PTPRD: variants seen among roughly 807,000 people sequenced by gnomAD.
PTPRD encodes protein tyrosine phosphatase receptor type D.
Under a neutral mutation model 214.5 loss-of-function variants are expected in PTPRD, and 34 were observed. The ratio of observed to expected loss-of-function variants is 0.16; its 90% CI spans 0.12 to 0.21. The LOEUF (loss-of-function observed/expected upper bound fraction) is 0.21. PTPRD is among the 10% of genes least tolerant of loss of function. PTPRD has a pLI of 1.00. For missense variants in PTPRD, 2,545 were observed against 2,398.7 expected (o/e 1.06, Z -1.27); for synonymous variants, 1,128 against 845.7 (o/e 1.33, Z -5.79).
chr9:10,093,918 G>C (rs886164582), intron 3 of PTPRD, among the ~76,000 whole-genome samples: 1 of 151,314 alleles, frequency 6.6e-6, no homozygotes, highest in African/African-American at 2.4e-5. Context: ...AGGAACAGTA[G>C]ACACGGGGGA....
At chr9:10,580,661 A>G (rs1339381887) in intron 2 of PTPRD, among the ~76,000 whole-genome samples, 1 of 152,170 alleles carries the variant, frequency 6.6e-6, no homozygotes, top group Admixed American at 6.5e-5. Context: ...ATATTCTGAA[A>G]TGTTATGAAT....
intron 6 of PTPRD, among the ~76,000 whole-genome samples, chr9:9,746,268 G>C (rs972324594): frequency 6.6e-6 from 1 of 152,070 alleles, no homozygotes; most frequent in East Asian, 1.9e-4. Context: ...CTTTTTAGAA[G>C]GGTTTCAGAA....
chr9:10,242,969 G>C (rs1321062232), intron 3 of PTPRD, among the ~76,000 whole-genome samples: 2 of 151,648 alleles, frequency 1.3e-5, no homozygotes, highest in Non-Finnish European at 3.0e-5. Context: ...CAAAGACAAA[G>C]ATATGGTTAT....
At chr9:9,469,294 T>C (rs2094432601) in intron 8 of PTPRD, among the ~76,000 whole-genome samples, 1 of 152,184 alleles carries the variant, frequency 6.6e-6, no homozygotes, top group Non-Finnish European at 1.5e-5. Flanking sequence ...GTGACTTGCA[T>C]TATCTTTGGA....
At chr9:8,332,605 G>A (rs531609242) in intron 43 of PTPRD, among the ~76,000 whole-genome samples, 7 of 152,080 alleles carry the variant, frequency 4.6e-5, no homozygotes, top group South Asian at 2.1e-4. Flanking sequence ...AAACTGCTCT[G>A]ACTCACGAAG....
chr9:9,939,201 A>G (rs2090633872), intron 4 of PTPRD, among the ~76,000 whole-genome samples: 1 of 152,140 alleles, frequency 6.6e-6, no homozygotes, highest in Non-Finnish European at 1.5e-5. Flanking sequence ...ACCTCATGAT[A>G]AAAATTATAG....
chr9:9,154,190 C>A (rs1227150667), intron 10 of PTPRD, among the ~76,000 whole-genome samples: 1 of 152,100 alleles, frequency 6.6e-6, no homozygotes, highest in Admixed American at 6.6e-5. Context: ...AACATTAATG[C>A]CACAATGAAT....
chr9:10,024,395 G>A (rs1047056051), intron 4 of PTPRD, among the ~76,000 whole-genome samples: 1 of 151,992 alleles, frequency 6.6e-6, no homozygotes, highest in Non-Finnish European at 1.5e-5. Context: ...TTGAGAAAAT[G>A]GAACCCCTTA....
At chr9:10,279,935 G>C (rs902723161) in intron 3 of PTPRD, among the ~76,000 whole-genome samples, 1 of 152,054 alleles carries the variant, frequency 6.6e-6, no homozygotes, top group Non-Finnish European at 1.5e-5. Flanking sequence ...CCTATTCACA[G>C]TCCTCGTACT....
intron 11 of PTPRD, among the ~76,000 whole-genome samples, chr9:8,766,451 C>T (rs1193711821): frequency 6.6e-6 from 1 of 151,924 alleles, no homozygotes; most frequent in Non-Finnish European, 1.5e-5. Flanking sequence ...GATCCAGCCT[C>T]CTGCAATTCT....
chr9:9,839,504 A>T (rs931387226), intron 5 of PTPRD, among the ~76,000 whole-genome samples: 1 of 152,124 alleles, frequency 6.6e-6, no homozygotes, highest in African/African-American at 2.4e-5. Context: ...AGGGACATGA[A>T]GGACCTCTTC....
intron 3 of PTPRD, among the ~76,000 whole-genome samples, chr9:10,105,954 G>A (rs1158484183): frequency 1.4e-5 from 2 of 140,490 alleles, no homozygotes; most frequent in South Asian, 2.2e-4. Context: ...TGATCACCAA[G>A]GGGATGAATG....
chr9:9,865,806 C>T (rs2063809454), intron 5 of PTPRD, among the ~76,000 whole-genome samples: 1 of 152,166 alleles, frequency 6.6e-6, no homozygotes, highest in South Asian at 2.1e-4. Flanking sequence ...AAGTAACATT[C>T]CATTTTAGCC....
At chr9:9,593,218 TCCC>T (rs1002392084) in intron 7 of PTPRD, among the ~76,000 whole-genome samples, 1 of 148,782 alleles carries the variant, frequency 6.7e-6, no homozygotes, top group Non-Finnish European at 1.5e-5. Context: ...TTTTTGTTTT[TCCC>T]CCCCCTCAAA....
chr9:10,060,893 C>CT (rs1430459161), intron 3 of PTPRD, among the ~76,000 whole-genome samples: 3 of 79,260 alleles, frequency 3.8e-5, no homozygotes, highest in South Asian at 3.8e-4. Flanking sequence ...TCCTTCCTTC[C>CT]TTCCTTCTTT....
intron 14 of PTPRD, among the ~76,000 whole-genome samples, chr9:8,582,361 A>T (rs1211582442): frequency 6.6e-6 from 1 of 152,230 alleles, no homozygotes; most frequent in African/African-American, 2.4e-5. Flanking sequence ...TTTGAACATG[A>T]CACAAAAAAG....
intron 9 of PTPRD, among the ~76,000 whole-genome samples, chr9:9,245,392 G>C (rs1015936524): frequency 1.3e-5 from 2 of 152,070 alleles, no homozygotes; most frequent in African/African-American, 4.8e-5. Context: ...ATGATAGACT[G>C]GATTAAGAAA....
intron 2 of PTPRD, among the ~76,000 whole-genome samples, chr9:10,534,717 G>GA (rs945220464): frequency 5.9e-5 from 9 of 151,584 alleles, no homozygotes; most frequent in East Asian, 3.9e-4. Flanking sequence ...AGAAGAAGAA[G>GA]AAAAAAAAGC....
At chr9:8,771,727 G>A (rs890469286) in intron 11 of PTPRD, among the ~76,000 whole-genome samples, 3 of 151,812 alleles carry the variant, frequency 2.0e-5, no homozygotes, top group Non-Finnish European at 4.4e-5. Context: ...TTTTCAAATT[G>A]CATGCACGTA....
Sources: allele counts gnomAD v4.1 joint callset (sites outside exome capture counted in the v4.1 genomes callset), GRCh38; gene constraint gnomAD v4.1.1; transcripts MANE v1.5; gene names NCBI Gene and HGNC (gene_info 2026-07-23, HGNC 2026-07-21).